CTPS2: variants seen among roughly 807,000 people sequenced by gnomAD.
The protein encoded by CTPS2 is CTP synthase II.
In CTPS2, 19 loss-of-function variants were observed where a neutral mutation model predicts 46.8. That is an observed-to-expected ratio of 0.41 (90% CI 0.28 to 0.60). The LOEUF is 0.60. Ranked by LOEUF, CTPS2 falls within the 20% of genes least tolerant of loss-of-function variation. The pLI is 0.35. For synonymous variants in CTPS2, 151 were observed against 165.2 expected, an observed-to-expected ratio of 0.91 and a Z score of 0.66; for missense variants, 286 against 447.6, an observed-to-expected ratio of 0.64 and a Z score of 3.26.
At position 16,670,513 on chromosome X, in the gene CTPS2, T is replaced by C; in HGVS notation, c.1189+67A>G. 3 of 820,055 alleles carry C rather than the reference T, an allele frequency of 3.7e-6. No homozygotes were observed. In the Middle Eastern group the frequency reaches 8.7e-4, roughly 237 times the overall value. 67.6% of individuals were successfully genotyped at this position (820,055 alleles called of 1,213,427 possible). On this transcript the variant is annotated intron_variant, in intron 11 of 18. Coordinates refer to ENST00000359276, the MANE Select transcript of CTPS2 (RefSeq NM_175859.3). ...CACCTTTACGATAACAAACCTTTAG[T>C]GTTACCCCTCCTAGGTGTCAAAAAT...
chrX:16,642,012 CT>C (rs1203865904), intron 13 of CTPS2, among the ~76,000 whole-genome samples: 4 of 111,925 alleles, frequency 3.6e-5, no homozygotes, highest in African/African-American at 1.3e-4. Flanking sequence ...CTAGAAGAAG[CT>C]AAAGAGTGGT....
chrX:16,599,467 CTTTTTTTTCTTTTTT>C (rs1470180857), intron 17 of CTPS2, among the ~76,000 whole-genome samples: 1 of 94,553 alleles, frequency 1.1e-5, no homozygotes, highest in South Asian at 4.5e-4. Context: ...TTTTCTTTTT[CTTTTTTTTCTTTTTT>C]TTTTTTTTTT....
At chrX:16,603,340 C>T (rs942624860) in intron 17 of CTPS2, among the ~76,000 whole-genome samples, 1 of 108,960 alleles carries the variant, frequency 9.2e-6, no homozygotes. Context: ...TGCTTGAACC[C>T]GGGAGGCAGA....
chrX:16,690,966 G>A (rs778282679), intron 7 of CTPS2, among the ~76,000 whole-genome samples: 4 of 112,374 alleles, frequency 3.6e-5, no homozygotes, highest in Non-Finnish European at 7.5e-5. Context: ...ACAAGATAAA[G>A]AGATGATAAG....
chrX:16,660,207 T>TTTTC (rs200976083), intron 13 of CTPS2, among the ~76,000 whole-genome samples: 12,972 of 105,641 alleles, frequency 0.12, 719 homozygotes, highest in East Asian at 0.15. Flanking sequence ...TCAGGAGAAT[T>TTTTC]TTTCTTTCTT....
rs776849553 is a variant in CTPS2 at position 16,689,500 on chromosome X, G to T, written c.822C>A (p.Ile274=). 2 of 1,210,496 alleles carry T rather than the reference G, an allele frequency of 1.7e-6. No individual in the cohort carries two copies. The highest frequency in any genetic ancestry group is 2.2e-6 in the Non-Finnish European group (2 of 894,712). ...KYFKERLHLP[I]GDSASNLLFK... ...AAAGCAAATTACTTGCAGAATCACC[G>T]ATGGGCAGGTGCAATCTCTCCTTAA... Residue 274 remains isoleucine, a synonymous_variant, in exon 8 of 19, where the codon ATC becomes ATA. Coordinates refer to ENST00000359276, the MANE Select transcript of CTPS2 (RefSeq NM_175859.3).
intron 13 of CTPS2, among the ~76,000 whole-genome samples, chrX:16,647,672 T>C (rs897093976): frequency 9.0e-6 from 1 of 111,553 alleles, no homozygotes; most frequent in Non-Finnish European, 1.9e-5. Flanking sequence ...AGAGATAATT[T>C]TTATATATAC....
At chrX:16,660,191 TC>T (rs748885439) in intron 13 of CTPS2, among the ~76,000 whole-genome samples, 99 of 108,401 alleles carry the variant, frequency 9.1e-4, no homozygotes, top group African/African-American at 3.2e-3. Context: ...GTGCAAGGGT[TC>T]CCTTTCAGGA....
intron 16 of CTPS2, among the ~76,000 whole-genome samples, chrX:16,614,434 T>C (rs1341270839): frequency 8.9e-6 from 1 of 112,467 alleles, no homozygotes; most frequent in African/African-American, 3.2e-5. Flanking sequence ...CACAAACAGG[T>C]CAAGGAGGCA....
chrX:16,679,251 G>T (rs915360998), intron 9 of CTPS2, among the ~76,000 whole-genome samples: 12 of 111,050 alleles, frequency 1.1e-4, no homozygotes, highest in Non-Finnish European at 1.9e-4. Context: ...TCAGCTACTC[G>T]GGAGGCTGAG....
intron 16 of CTPS2, among the ~76,000 whole-genome samples, chrX:16,614,055 G>A (rs1409663653): frequency 1.8e-5 from 2 of 111,763 alleles, no homozygotes; most frequent in East Asian, 5.6e-4. Context: ...AAGATGAATT[G>A]TCTTGGACCA....
At chrX:16,631,445 G>A (rs1482566597) in intron 14 of CTPS2, among the ~76,000 whole-genome samples, 3 of 111,596 alleles carry the variant, frequency 2.7e-5, no homozygotes, top group African/African-American at 9.8e-5. Flanking sequence ...CTTGGGCCCA[G>A]GAGGTTGAGG....
rs181868585 is a variant in CTPS2 at position 16,687,303 on chromosome X, C to T, written c.872+2147G>A. On this transcript the variant is annotated intron_variant, in intron 8 of 18. Coordinates refer to ENST00000359276, the MANE Select transcript of CTPS2 (RefSeq NM_175859.3). ...TCACTTGAGCAAGATGGCAAAACCC[C>T]GTCTCTACTAAAAATACAAAAATTA... Among the ~76,000 whole-genome samples the T allele has an allele frequency of 8.3e-5, 9 of 108,872 alleles. No homozygotes were observed. In the East Asian group the frequency reaches 1.4e-3, roughly 17 times the overall value. 94.5% of individuals were successfully genotyped at this position (108,872 alleles called of 115,157 possible).
At chrX:16,678,498 C>T (rs746630287) in intron 9 of CTPS2, 48 bp from the exon 10 acceptor site, 5 of 761,940 alleles carry the variant, frequency 6.6e-6, no homozygotes, top group Non-Finnish European at 1.0e-5. Context: ...AAAATAAACA[C>T]TCAAAAATAC....
chrX:16,671,201 T>G (rs1342231472), intron 10 of CTPS2, among the ~76,000 whole-genome samples: 1 of 111,830 alleles, frequency 8.9e-6, no homozygotes, highest in African/African-American at 3.3e-5. Context: ...AACCTCATGA[T>G]GCAATGCTGC....
intron 13 of CTPS2, among the ~76,000 whole-genome samples, chrX:16,659,448 ACAT>A (rs1370628845): frequency 9.0e-6 from 1 of 110,742 alleles, no homozygotes; most frequent in Non-Finnish European, 1.9e-5. Context: ...CCAAGCAAAC[ACAT>A]CATGCCCAAA....
At chrX:16,667,490 C>T in intron 13 of CTPS2, 24 bp downstream of exon 13, 1 of 1,207,274 alleles carries the variant, frequency 8.3e-7, no homozygotes, top group Non-Finnish European at 1.1e-6. Flanking sequence ...TGACTGGACC[C>T]AGAAAGATAA....
intron 14 of CTPS2, among the ~76,000 whole-genome samples, chrX:16,632,920 A>G (rs1335651796): frequency 9.0e-6 from 1 of 111,118 alleles, no homozygotes; most frequent in Non-Finnish European, 1.9e-5. Flanking sequence ...CGGCTTCTGA[A>G]AGCCCCCTTA....
intron 17 of CTPS2, among the ~76,000 whole-genome samples, chrX:16,599,141 A>G (rs1929482867): frequency 8.9e-6 from 1 of 112,095 alleles, no homozygotes; most frequent in African/African-American, 3.2e-5. Context: ...CCCTTTGAAA[A>G]CTGGCATAAG....
Sources: gnomAD v4.1 joint callset for allele counts (sites outside exome capture counted in the v4.1 genomes callset) on GRCh38, gnomAD v4.1.1 for gene constraint, MANE v1.5 for transcripts, NCBI Gene and HGNC (gene_info 2026-07-23, HGNC 2026-07-21) for gene names.